LTBP1: variants seen among roughly 807,000 people sequenced by gnomAD.
LTBP1 encodes latent-transforming growth factor beta-binding protein 1.
LTBP1 carries 129 observed loss-of-function variants against 207.6 expected under a neutral mutation model. That is an observed-to-expected ratio of 0.62 (90% CI 0.54 to 0.72). LTBP1 has a LOEUF of 0.72. Among genes scored for constraint, LTBP1 ranks in the 30% least tolerant of loss-of-function variants. The probability of loss-of-function intolerance (pLI) is 0.00; values close to 1 mark genes in which losing one functional copy is unlikely to be tolerated. For missense variants in LTBP1, 2,281 were observed against 2,217.2 expected, an observed-to-expected ratio of 1.03 and a Z score of -0.58; for synonymous variants, 963 against 833.7, an observed-to-expected ratio of 1.16 and a Z score of -2.67.
intron 22 of LTBP1, among the ~76,000 whole-genome samples, chr2:33,304,395 G>A (rs1051862734): frequency 2.6e-5 from 4 of 152,188 alleles, no homozygotes; most frequent in Non-Finnish European, 5.9e-5. Flanking sequence ...GCAAGGAAGA[G>A]CCATCTTTCT....
chr2:33,215,717 TTTTTTG>T (rs2090628251), intron 7 of LTBP1, among the ~76,000 whole-genome samples: 4 of 117,264 alleles, frequency 3.4e-5, no homozygotes, highest in Admixed American at 8.1e-5. Flanking sequence ...TTTTCTTTTG[TTTTTTG>T]TTTTTTTTTT....
At chr2:33,316,235 A>T (rs2094269962) in intron 24 of LTBP1, among the ~76,000 whole-genome samples, 1 of 144,342 alleles carries the variant, frequency 6.9e-6, no homozygotes, top group African/African-American at 2.5e-5. Flanking sequence ...CCATAATCAT[A>T]ATTTCAGTTG....
At position 33,398,484 on chromosome 2, in the gene LTBP1, C is replaced by G. The variant is rs1342551751; in HGVS notation, c.5105C>G (p.Pro1702Arg). Residue 1702 changes from proline (P) to arginine (R), a missense_variant, in exon 34 of 34, where the codon CCA becomes CGA. Pro to Arg is a moderately radical substitution (Grantham distance 103). This residue lies in a region of LTBP1 where 1,671 missense variants were observed against 1,634.8 expected (regional missense o/e 1.02). Coordinates refer to ENST00000404816, the MANE Select transcript of LTBP1 (RefSeq NM_206943.4). ...CCAGGCTACGTGCCTTCTGACAAGC[C>G]AAACTACTGCACTCCGTTGAATACC... ...CLPGYVPSDKPNYCTPLNTAL... is the reference protein window; with the variant it reads ...CLPGYVPSDKRNYCTPLNTAL... The G allele has an allele frequency of 6.2e-7, 1 of 1,614,202 alleles. No individual in the cohort carries two copies. Among genetic ancestry groups the G allele is most frequent in the East Asian group, 2.2e-5 (1 of 44,884 alleles).
chr2:32,960,063 A>G (rs936827627), intron 2 of LTBP1, among the ~76,000 whole-genome samples: 2 of 152,338 alleles, frequency 1.3e-5, no homozygotes, highest in East Asian at 1.9e-4. Flanking sequence ...GCCGAGACTT[A>G]TCACTTCACC....
At chr2:33,357,082 A>G (rs1484696120) in intron 26 of LTBP1, among the ~76,000 whole-genome samples, 1 of 152,196 alleles carries the variant, frequency 6.6e-6, no homozygotes, top group Non-Finnish European at 1.5e-5. Context: ...GCTCATGTCC[A>G]CTTTGACCAA....
At chr2:33,228,445 G>T (rs1280710744) in intron 9 of LTBP1, among the ~76,000 whole-genome samples, 2 of 152,064 alleles carry the variant, frequency 1.3e-5, no homozygotes, top group Non-Finnish European at 2.9e-5. Flanking sequence ...CTACATGCAG[G>T]AATTAAACCA....
chr2:33,385,605 C>A (rs1220427775), intron 31 of LTBP1, among the ~76,000 whole-genome samples: 2 of 152,168 alleles, frequency 1.3e-5, no homozygotes, highest in Non-Finnish European at 2.9e-5. Context: ...GAAACTGAGG[C>A]TTGCCCAAAA....
chr2:33,043,802 G>T (rs2076311074), intron 3 of LTBP1, among the ~76,000 whole-genome samples: 2 of 152,202 alleles, frequency 1.3e-5, no homozygotes. Flanking sequence ...GGACCAGGCG[G>T]TGGAGGACCA....
chr2:33,068,037 T>C (rs2077606245), intron 3 of LTBP1, among the ~76,000 whole-genome samples: 1 of 152,132 alleles, frequency 6.6e-6, no homozygotes, highest in Non-Finnish European at 1.5e-5. Context: ...TAAAATCATA[T>C]GCTCCTGGAT....
chr2:33,110,709 C>G lies in LTBP1; in HGVS notation c.991C>G (p.Pro331Ala), dbSNP rs1449806439. ...AGAGCAGTCCACTGAAGGTTCTTTC[C>G]CTTTAAGATATGTGCAGGATCAAGT... Reference protein sequence around the residue: ...SGEQSTEGSFPLRYVQDQVAA... With the variant: ...SGEQSTEGSFALRYVQDQVAA... Residue 331 changes from proline to alanine, a missense_variant, in exon 4 of 34, where the codon CCT becomes GCT. Transcript: ENST00000404816. The G allele has an allele frequency of 1.9e-6, 3 of 1,614,074 alleles. No homozygotes were observed. The highest frequency in any genetic ancestry group is 2.5e-6 in the Non-Finnish European group (3 of 1,180,034).
At chr2:33,294,338 A>T (rs972156280) in intron 20 of LTBP1, among the ~76,000 whole-genome samples, 3 of 151,742 alleles carry the variant, frequency 2.0e-5, no homozygotes, top group Non-Finnish European at 2.9e-5. Flanking sequence ...CTGGGATTAC[A>T]GGTGCCTCCC....
At chr2:32,951,640 G>A (rs556837330) in intron 2 of LTBP1, among the ~76,000 whole-genome samples, 4 of 152,268 alleles carry the variant, frequency 2.6e-5, no homozygotes, top group South Asian at 4.1e-4. Context: ...TGTCTGGCCT[G>A]TATTTTCCCA....
chr2:33,270,466 T>G (rs2093294619), intron 15 of LTBP1, among the ~76,000 whole-genome samples: 1 of 151,592 alleles, frequency 6.6e-6, no homozygotes, highest in Non-Finnish European at 1.5e-5. Flanking sequence ...GGCGGGTGCC[T>G]GTAGTCCCAG....
chr2:33,358,275 T>C (rs1040641243), intron 26 of LTBP1, among the ~76,000 whole-genome samples: 1 of 152,026 alleles, frequency 6.6e-6, no homozygotes, highest in Admixed American at 6.5e-5. Context: ...ATTTCCCTTA[T>C]GGGAAATAAT....
Position 33,017,605 on chromosome 2 carries a change from G to GTTGTT in LTBP1, c.566-3281_566-3277dup, listed in dbSNP as rs373261423. ...TGATAAATGTGATAGAAGGACATGA[G>GTTGTT]TTGTTTTGTTTTGTTTTGTTTTGTT... On this transcript the variant is annotated intron_variant, in intron 2 of 33. Coordinates refer to ENST00000404816, the MANE Select transcript of LTBP1 (RefSeq NM_206943.4). Among the ~76,000 whole-genome samples, 502 of 151,840 alleles carry GTTGTT rather than the reference G, an allele frequency of 3.3e-3. 5 individuals are homozygous for GTTGTT. Among genetic ancestry groups the GTTGTT allele is most frequent in the African/African-American group, 4.9e-3 (202 of 41,220 alleles).
At chr2:33,061,461 T>C (rs2077268266) in intron 3 of LTBP1, 1 of 152,144 alleles carries the variant, frequency 6.6e-6, no homozygotes, top group African/African-American at 2.4e-5. Context: ...ATCTAAGTTA[T>C]CTCATCAGTT....
At chr2:33,389,800 C>T (rs1400094678) in intron 32 of LTBP1, among the ~76,000 whole-genome samples, 4 of 152,100 alleles carry the variant, frequency 2.6e-5, no homozygotes, top group Non-Finnish European at 5.9e-5. Flanking sequence ...CCACCATGCC[C>T]GGCTAAATTT....
At chr2:33,258,492 A>G (rs1018405751) in intron 12 of LTBP1, among the ~76,000 whole-genome samples, 6 of 152,068 alleles carry the variant, frequency 3.9e-5, no homozygotes, top group Admixed American at 3.3e-4. Context: ...GTTCTGGCCT[A>G]TTTGATTCTA....
At chr2:33,249,822 C>G (rs986960829) in intron 10 of LTBP1, among the ~76,000 whole-genome samples, 3 of 152,158 alleles carry the variant, frequency 2.0e-5, no homozygotes, top group Admixed American at 1.3e-4. Context: ...CATGTAAGAG[C>G]CTACAGGCAC....
Sources: gnomAD v4.1 joint callset for allele counts (sites outside exome capture counted in the v4.1 genomes callset) on GRCh38, gnomAD v4.1.1 for gene constraint, gnomAD v4.1.1 regional missense constraint, MANE v1.5 for transcripts, NCBI Gene and HGNC (gene_info 2026-07-23, HGNC 2026-07-21) for gene names.